The following NANOS3 variants were observed in gnomAD, a reference collection of about 807,000 sequenced individuals.
The protein encoded by NANOS3 is nanos homolog 3.
Under a neutral mutation model 13.8 loss-of-function variants are expected in NANOS3, and 11 were observed. The observed-to-expected ratio is 0.80, with a 90% CI of 0.50 to 1.32. The LOEUF (loss-of-function observed/expected upper bound fraction) is 1.32. NANOS3 is among the 40% of genes most tolerant of loss of function. NANOS3 has a pLI of 0.00. For synonymous variants in NANOS3, 119 were observed against 115.4 expected, an observed-to-expected ratio of 1.03 and a Z score of -0.20; for missense variants, 221 against 263.8, an observed-to-expected ratio of 0.84 and a Z score of 1.12.
chr19:13,870,800 G>A (rs1460309005), intron 1 of NANOS3, among the ~76,000 whole-genome samples: 7 of 151,220 alleles, frequency 4.6e-5, no homozygotes, highest in African/African-American at 7.3e-5. Flanking sequence ...GGCTGGTCTC[G>A]AACTCCTGAC....
chr19:13,877,548 C>G lies in NANOS3; in HGVS notation c.300C>G (p.Gly100=). 6.2e-7 allele frequency: 1 copy of G among 1,612,338 alleles called. No individual in the cohort carries two copies. The highest frequency in any genetic ancestry group is 1.3e-5 in the African/African-American group (1 of 75,058). ...YQSHVLKDEA[G]RVLCPILRDY... ...CCCACGTGCTGAAGGACGAGGCTGGCAGGGTGCTGTGTCCCATCCTGCGGG... is the reference window on the plus strand; with the variant it reads ...CCCACGTGCTGAAGGACGAGGCTGGGAGGGTGCTGTGTCCCATCCTGCGGG... Residue 100 remains glycine, a synonymous_variant, in exon 1 of 2, where the codon GGC becomes GGG. Transcript: ENST00000339133.
chr19:13,862,960 A>T (rs1177117693), upstream of NANOS3, among the ~76,000 whole-genome samples: 1 of 152,184 alleles, frequency 6.6e-6, no homozygotes, highest in Non-Finnish European at 1.5e-5. Context: ...ATCTGAGATG[A>T]TGATAGGCAT....
At chr19:13,867,550 C>T (rs533509946) in intron 1 of NANOS3, among the ~76,000 whole-genome samples, 2 of 151,822 alleles carry the variant, frequency 1.3e-5, no homozygotes, top group East Asian at 3.9e-4. Context: ...CATGCCTGGC[C>T]CAAATTTTTG....
upstream of NANOS3, chr19:13,875,090 G>C (rs542799502): frequency 8.0e-5 from 31 of 387,056 alleles, no homozygotes; most frequent in African/African-American, 5.8e-4. Flanking sequence ...TTGGAGAGGA[G>C]AGCTGGTGTC....
chr19:13,870,119 C>T (rs1243237137), intron 1 of NANOS3, among the ~76,000 whole-genome samples: 4 of 151,798 alleles, frequency 2.6e-5, no homozygotes, highest in African/African-American at 7.3e-5. Context: ...GGCGTGACTG[C>T]GTCTCACTCA....
chr19:13,862,848 T>C (rs1976178388), upstream of NANOS3, among the ~76,000 whole-genome samples: 1 of 152,196 alleles, frequency 6.6e-6, no homozygotes, highest in Admixed American at 6.5e-5. Flanking sequence ...CAGCCCTGCC[T>C]CTTACAGGCG....
chr19:13,874,748 T>C (rs1259052702), upstream of NANOS3: 1 of 534,340 alleles, frequency 1.9e-6, no homozygotes, highest in Non-Finnish European at 3.8e-6. Flanking sequence ...TCGGTGAGTT[T>C]GGGCAGCTCA....
Position 13,877,228 on chromosome 19 carries a change from C to T in NANOS3, c.-21C>T. Reference sequence around the variant, plus strand: ...TTACTTGTCTCTGTGACTCCTTCCGCCTGGCACATGCTGCCCAGCTATGGG... The same window carrying T: ...TTACTTGTCTCTGTGACTCCTTCCGTCTGGCACATGCTGCCCAGCTATGGG... On this transcript the variant is annotated 5_prime_UTR_variant, in exon 1 of 2. Coordinates refer to ENST00000339133, the MANE Select transcript of NANOS3 (RefSeq NM_001098622.3). 3 of 1,588,808 alleles carry T rather than the reference C, an allele frequency of 1.9e-6. No individual in the cohort carries two copies. The highest frequency in any genetic ancestry group is 2.2e-5 in the South Asian group (2 of 89,362).
upstream of NANOS3, chr19:13,874,621 G>T: frequency 2.1e-6 from 1 of 474,402 alleles, no homozygotes. Flanking sequence ...AGAGAAAAGG[G>T]GTTCCTTACT....
chr19:13,866,230 G>A (rs1334349570), intron 1 of NANOS3, among the ~76,000 whole-genome samples: 1 of 152,116 alleles, frequency 6.6e-6, no homozygotes. Context: ...AAGCTACAGG[G>A]CGCCTTTCAC....
At chr19:13,865,296 C>CA (rs1389369841), upstream of NANOS3, 6 of 145,824 alleles carry the variant, frequency 4.1e-5, no homozygotes, top group East Asian at 6.0e-4. Flanking sequence ...CCTCCCCCCC[C>CA]CCGCCCACGG....
chr19:13,863,559 G>C (rs1422981435), upstream of NANOS3, among the ~76,000 whole-genome samples: 1 of 152,066 alleles, frequency 6.6e-6, no homozygotes, highest in Non-Finnish European at 1.5e-5. Context: ...CCGGCAGGGG[G>C]GCGGGCGGCA....
upstream of NANOS3, among the ~76,000 whole-genome samples, chr19:13,864,168 C>T (rs960105899): frequency 2.0e-5 from 3 of 151,436 alleles, no homozygotes; most frequent in Admixed American, 1.3e-4. Context: ...AGCCAGGGTA[C>T]GATCATTCCA....
At chr19:13,871,626 GT>G (rs1352049472) in intron 1 of NANOS3, among the ~76,000 whole-genome samples, 4 of 152,158 alleles carry the variant, frequency 2.6e-5, no homozygotes, top group Non-Finnish European at 4.4e-5. Context: ...CACAGGAGGT[GT>G]CTGGGGAACC....
At chr19:13,870,717 G>A (rs1214080697) in intron 1 of NANOS3, among the ~76,000 whole-genome samples, 3 of 151,596 alleles carry the variant, frequency 2.0e-5, no homozygotes, top group Non-Finnish European at 4.4e-5. Context: ...ACAGGTGTGC[G>A]CCACCATGCC....
At chr19:13,873,340 G>C (rs1968434367), upstream of NANOS3, among the ~76,000 whole-genome samples, 1 of 151,502 alleles carries the variant, frequency 6.6e-6, no homozygotes, top group Non-Finnish European at 1.5e-5. Flanking sequence ...CCACCACCGT[G>C]AGGGGTGTGG....
chr19:13,880,745 T>TG lies in NANOS3; in HGVS notation c.*244dup. On this transcript the variant is annotated 3_prime_UTR_variant, in exon 2 of 2. Transcript: ENST00000339133. Reference sequence around the variant, plus strand: ...TCAGCCCTCAATAAATGCTTATGAATGGATCAACAACAGACAAGCCCTGGT... The same window carrying TG: ...TCAGCCCTCAATAAATGCTTATGAATGGGATCAACAACAGACAAGCCCTGGT... The TG allele has an allele frequency of 1.8e-6, 1 of 552,800 alleles. No individual in the cohort carries two copies. Among genetic ancestry groups the TG allele is most frequent in the Non-Finnish European group, 3.2e-6 (1 of 309,706 alleles). 34.2% of individuals were successfully genotyped at this position (552,800 alleles called of 1,614,324 possible). A position where few individuals can be genotyped will look rare whatever the true frequency, so the allele number is the denominator to read the frequency against.
upstream of NANOS3, among the ~76,000 whole-genome samples, chr19:13,875,599 A>G (rs1231915113): frequency 6.6e-6 from 1 of 151,544 alleles, no homozygotes; most frequent in East Asian, 2.0e-4. Context: ...CTGGAGTGCA[A>G]TGGTGTGACC....
chr19:13,866,231 C>T (rs921136509), intron 1 of NANOS3, among the ~76,000 whole-genome samples: 3 of 152,110 alleles, frequency 2.0e-5, no homozygotes, highest in Non-Finnish European at 4.4e-5. Context: ...AGCTACAGGG[C>T]GCCTTTCACG....
Sources: gnomAD v4.1 joint callset for allele counts (sites outside exome capture counted in the v4.1 genomes callset) on GRCh38, gnomAD v4.1.1 for gene constraint, MANE v1.5 for transcripts, NCBI Gene and HGNC (gene_info 2026-07-23, HGNC 2026-07-21) for gene names.